The following NKAIN2 variants were observed in gnomAD, a reference collection of about 807,000 sequenced individuals.
NKAIN2 encodes sodium/potassium-transporting ATPase subunit beta-1-interacting protein 2.
In NKAIN2, 14 loss-of-function variants were observed where a neutral mutation model predicts 32.6. The ratio of observed to expected loss-of-function variants is 0.43; its 90% CI spans 0.28 to 0.67. The LOEUF (loss-of-function observed/expected upper bound fraction) is 0.67, where lower values mean the gene tolerates loss of function less well. Among genes scored for constraint, NKAIN2 ranks in the 30% least tolerant of loss-of-function variants. The pLI is 0.17. For missense variants in NKAIN2, 198 were observed against 258.3 expected (o/e 0.77, Z 1.60); for synonymous variants, 80 against 87.2 (o/e 0.92, Z 0.46).
At chr6:124,130,883 A>T (rs900462875) in intron 1 of NKAIN2, among the ~76,000 whole-genome samples, 1 of 152,140 alleles carries the variant, frequency 6.6e-6, no homozygotes, top group Admixed American at 6.5e-5. Flanking sequence ...AGTCAGGAAA[A>T]TTCCCATGGT....
intron 3 of NKAIN2, among the ~76,000 whole-genome samples, chr6:124,359,982 AG>A (rs1237305909): frequency 2.0e-5 from 3 of 152,140 alleles, no homozygotes; most frequent in Admixed American, 6.5e-5. Flanking sequence ...TTTAGCATGA[AG>A]GGTTGTTGAA....
At chr6:123,836,511 C>T (rs1215368599) in intron 1 of NKAIN2, among the ~76,000 whole-genome samples, 2 of 151,896 alleles carry the variant, frequency 1.3e-5, no homozygotes, top group Non-Finnish European at 2.9e-5. Context: ...CCTCACAATA[C>T]CTGAACAGTT....
At chr6:124,131,706 A>C (rs1404396989) in intron 1 of NKAIN2, among the ~76,000 whole-genome samples, 1 of 152,136 alleles carries the variant, frequency 6.6e-6, no homozygotes, top group Admixed American at 6.5e-5. Context: ...CAGCAGTGGA[A>C]AGAGCCTTGT....
intron 1 of NKAIN2, among the ~76,000 whole-genome samples, chr6:123,949,016 G>T (rs1777206889): frequency 6.6e-6 from 1 of 151,818 alleles, no homozygotes; most frequent in Non-Finnish European, 1.5e-5. Context: ...ATTGAAGAGG[G>T]TATCCTTTCC....
chr6:124,301,726 T>G (rs760576097), intron 2 of NKAIN2, among the ~76,000 whole-genome samples: 1 of 152,192 alleles, frequency 6.6e-6, no homozygotes, highest in African/African-American at 2.4e-5. Flanking sequence ...ATTTCAGACT[T>G]GCATGGGGCC....
rs11757858 is a variant in NKAIN2 at position 123,830,864 on chromosome 6, C to T, written c.54+26610C>T. Among the ~76,000 whole-genome samples the T allele has an allele frequency of 9.1e-3, 1,387 of 152,252 alleles. 13 individuals carry two copies. The highest frequency in any genetic ancestry group is 0.013 in the Non-Finnish European group (904 of 68,026). On this transcript the variant is annotated intron_variant, in intron 1 of 6. Transcript: ENST00000368417. ...TTTGAATGAATGAATCAATCAGTGACTGACGAATGAATGATTTTGTATATC... is the reference window on the plus strand; with the variant it reads ...TTTGAATGAATGAATCAATCAGTGATTGACGAATGAATGATTTTGTATATC...
chr6:124,256,411 G>T (rs1793933574), intron 1 of NKAIN2, among the ~76,000 whole-genome samples: 1 of 152,110 alleles, frequency 6.6e-6, no homozygotes, highest in Non-Finnish European at 1.5e-5. Context: ...AACCACATTT[G>T]CCATTTCAGA....
chr6:124,750,712 T>A (rs1341455221), intron 4 of NKAIN2, among the ~76,000 whole-genome samples: 1 of 152,102 alleles, frequency 6.6e-6, no homozygotes, highest in Admixed American at 6.6e-5. Context: ...ACATTTTTAT[T>A]CCTATAGTTA....
chr6:124,378,871 C>G (rs893401754), intron 3 of NKAIN2, among the ~76,000 whole-genome samples: 1 of 146,412 alleles, frequency 6.8e-6, no homozygotes, highest in Non-Finnish European at 1.5e-5. Context: ...TGGAGGATCA[C>G]TTGAACCCAG....
At chr6:124,737,516 C>T (rs753685749) in intron 4 of NKAIN2, among the ~76,000 whole-genome samples, 2 of 151,676 alleles carry the variant, frequency 1.3e-5, no homozygotes, top group East Asian at 2.0e-4. Flanking sequence ...AAACTGGTAC[C>T]GGGAGTGCTG....
chr6:124,216,472 G>A (rs1482985053), intron 1 of NKAIN2, among the ~76,000 whole-genome samples: 1 of 152,176 alleles, frequency 6.6e-6, no homozygotes, highest in African/African-American at 2.4e-5. Context: ...ACACGCATAT[G>A]CCCAACTGAG....
intron 1 of NKAIN2, among the ~76,000 whole-genome samples, chr6:124,206,335 T>A (rs893868310): frequency 6.6e-6 from 1 of 151,918 alleles, no homozygotes; most frequent in Non-Finnish European, 1.5e-5. Context: ...AAATAAAGAT[T>A]AAGCGCATAA....
intron 1 of NKAIN2, among the ~76,000 whole-genome samples, chr6:124,195,735 A>G (rs1392752111): frequency 2.0e-5 from 3 of 152,132 alleles, no homozygotes; most frequent in Non-Finnish European, 2.9e-5. Flanking sequence ...TGATGGATCT[A>G]TGAGCTACTG....
intron 3 of NKAIN2, among the ~76,000 whole-genome samples, chr6:124,576,261 T>C (rs494956): frequency 0.99 from 151,087 of 152,298 alleles, 74,950 homozygotes; most frequent in South Asian, 1. Context: ...ACTGAACTAG[T>C]AACTTTTTTC....
At position 124,283,172 on chromosome 6, in the gene NKAIN2, T is replaced by G. The variant is rs200633190; in HGVS notation, c.192+30T>G. 31 of 1,528,212 alleles carry G rather than the reference T, an allele frequency of 2.0e-5. No homozygotes were observed. In the African/African-American group the frequency reaches 3.3e-4, roughly 16 times the overall value. The allele number at this position is 1,528,212 out of a possible 1,614,324, so 94.7% of individuals were successfully genotyped here. A position where few individuals can be genotyped will look rare whatever the true frequency, so the allele number is the denominator to read the frequency against. ...GTACATTTTCTGCCTTTTAAAAATC[T>G]TATTGAACTAGAGAATGATGTGCAA... On this transcript the variant is annotated intron_variant, in intron 2 of 6. Coordinates refer to ENST00000368417, the MANE Select transcript of NKAIN2 (RefSeq NM_001040214.3).
intron 1 of NKAIN2, among the ~76,000 whole-genome samples, chr6:123,872,950 C>A (rs1490363): frequency 0.27 from 40,542 of 151,898 alleles, 6,285 homozygotes; most frequent in Non-Finnish European, 0.34. Context: ...TTAAGAACAC[C>A]CTATTAAATT....
At chr6:124,471,025 TG>T (rs1776951824) in intron 3 of NKAIN2, among the ~76,000 whole-genome samples, 1 of 152,158 alleles carries the variant, frequency 6.6e-6, no homozygotes. Context: ...GGCTTCCCTT[TG>T]GCTACAAGCC....
Position 124,276,855 on chromosome 6 carries a change from G to A in NKAIN2, c.55-6150G>A, listed in dbSNP as rs538546933. ...GGCCCAGAGCGTGCTCAAGACTACA[G>A]TTTACTTAGGACTACAAACGAATTA... On this transcript the variant is annotated intron_variant, in intron 1 of 6. Coordinates refer to ENST00000368417, the MANE Select transcript of NKAIN2 (RefSeq NM_001040214.3). Among the ~76,000 whole-genome samples the A allele has an allele frequency of 4.1e-4, 63 of 152,268 alleles. 1 individual carries two copies. The highest frequency in any genetic ancestry group is 1.6e-3 in the Admixed American group (25 of 15,292).
chr6:123,873,732 A>T (rs1773023297), intron 1 of NKAIN2, among the ~76,000 whole-genome samples: 1 of 152,164 alleles, frequency 6.6e-6, no homozygotes, highest in Non-Finnish European at 1.5e-5. Context: ...ACAGATTCCT[A>T]GGTGATTGTC....
Sources: allele counts gnomAD v4.1 joint callset (sites outside exome capture counted in the v4.1 genomes callset), GRCh38; gene constraint gnomAD v4.1.1; transcripts MANE v1.5; gene names NCBI Gene and HGNC (gene_info 2026-07-23, HGNC 2026-07-21).